Variants in AXIN1 observed in about 807,000 individuals in gnomAD.
The protein encoded by AXIN1 is axin-1.
Under a neutral mutation model 76.4 loss-of-function variants are expected in AXIN1, and 30 were observed. The ratio of observed to expected loss-of-function variants is 0.39; its 90% CI spans 0.29 to 0.53. AXIN1 has a LOEUF of 0.53. Among genes scored for constraint, AXIN1 ranks in the 20% least tolerant of loss-of-function variants. The pLI is 0.66. For missense variants in AXIN1, 1,140 were observed against 1,198.8 expected (o/e 0.95, Z 0.72); for synonymous variants, 545 against 501.4 (o/e 1.09, Z -1.16).
chr16:326,394 T>TATACACATATATATATATATACACAC (rs144093618), intron 2 of AXIN1, among the ~76,000 whole-genome samples: 2 of 119,676 alleles, frequency 1.7e-5, no homozygotes, highest in African/African-American at 3.5e-5. Context: ...TATATATATA[T>TATACACATATATATATATATACACAC]ACACACCTAT....
At chr16:324,421 C>T (rs1170634474) in intron 2 of AXIN1, among the ~76,000 whole-genome samples, 14 of 152,214 alleles carry the variant, frequency 9.2e-5, no homozygotes, top group Admixed American at 8.5e-4. Flanking sequence ...CAGGCACAGG[C>T]CTCACAGGCC....
chr16:344,873 T>A (rs1192328874), intron 2 of AXIN1, among the ~76,000 whole-genome samples: 1 of 152,198 alleles, frequency 6.6e-6, no homozygotes, highest in East Asian at 1.9e-4. Flanking sequence ...GAGTAGCCAA[T>A]TTCTGTGTCA....
At chr16:301,312 G>C (rs546998027) in intron 5 of AXIN1, among the ~76,000 whole-genome samples, 25 of 151,590 alleles carry the variant, frequency 1.6e-4, no homozygotes, top group African/African-American at 6.0e-4. Flanking sequence ...AAAAAAACTG[G>C]AGTTATTCCT....
Position 289,523 on chromosome 16 carries a change from G to C in AXIN1, c.2379C>G (p.Pro793=), listed in dbSNP as rs201325864. The stretch of plus-strand genomic sequence containing the variant: ...CCCTCACCAGGGTGCGGTAGGGGAT[G>C]GGTTCCCCGCAGAAGTAGTACGCCA... ...IVVAYYFCGE[P]IPYRTLVRGR... Residue 793 remains proline, a synonymous_variant, in exon 10 of 11, where the codon CCC becomes CCG. Transcript: ENST00000262320. 1 of 1,612,996 alleles carries C rather than the reference G, an allele frequency of 6.2e-7. No individual in the cohort carries two copies. Among genetic ancestry groups the C allele is most frequent in the African/African-American group, 1.3e-5 (1 of 75,042 alleles).
At chr16:344,088 T>C (rs1345316325) in intron 2 of AXIN1, among the ~76,000 whole-genome samples, 16 of 151,848 alleles carry the variant, frequency 1.1e-4, no homozygotes, top group Non-Finnish European at 7.4e-5. Context: ...CGGCATATTG[T>C]GTCCTAAAAT....
At chr16:299,958 TTTTA>T (rs749781981) in intron 5 of AXIN1, among the ~76,000 whole-genome samples, 1 of 149,180 alleles carries the variant, frequency 6.7e-6, no homozygotes, top group African/African-American at 2.5e-5. Context: ...CCCGGCCTAT[TTTTA>T]TTTATTTAAT....
Position 297,788 on chromosome 16 carries a change from G to A in AXIN1, c.1718C>T (p.Ala573Val), listed in dbSNP as rs752371512. The stretch of plus-strand genomic sequence containing the variant: ...ACTCTCTGAGTAGCCTCGGGACCTT[G>A]CCCCATGGCTGTGTGGTTCCAGGCC... ...AWGLEPHSHG[A>V]RSRGYSESVG... is the part of the protein sequence containing the mutation. Residue 573 changes from alanine to valine, a missense_variant, in exon 6 of 11, where the codon GCA becomes GTA. Coordinates refer to ENST00000262320, the MANE Select transcript of AXIN1 (RefSeq NM_003502.4). 1 of 1,566,824 alleles carries A rather than the reference G, an allele frequency of 6.4e-7. No homozygotes were observed. The highest frequency in any genetic ancestry group is 8.6e-7 in the Non-Finnish European group (1 of 1,156,070).
intron 2 of AXIN1, among the ~76,000 whole-genome samples, chr16:320,944 T>C (rs1057365867): frequency 1.3e-5 from 2 of 151,936 alleles, no homozygotes; most frequent in African/African-American, 2.4e-5. Context: ...TTCGCCGTGT[T>C]GGTCAGGCTG....
intron 1 of AXIN1, among the ~76,000 whole-genome samples, chr16:348,536 G>A (rs1356346893): frequency 6.6e-6 from 1 of 152,220 alleles, no homozygotes; most frequent in East Asian, 1.9e-4. Flanking sequence ...GTGGTGTCAC[G>A]CACCTGTAGT....
At chr16:318,956 G>A (rs113040572) in intron 2 of AXIN1, among the ~76,000 whole-genome samples, 9,082 of 151,434 alleles carry the variant, frequency 0.06, 788 homozygotes, top group African/African-American at 0.2. Flanking sequence ...GAATGCGGCC[G>A]GGGCCTTGGT....
chr16:303,221 G>A (rs932700144), intron 5 of AXIN1, among the ~76,000 whole-genome samples: 1 of 152,138 alleles, frequency 6.6e-6, no homozygotes, highest in African/African-American at 2.4e-5. Flanking sequence ...AGAAACTCCA[G>A]CCGGCCTGCG....
chr16:288,423 C>T, intron 10 of AXIN1, 175 bp from the exon 11 acceptor site: 3 of 949,708 alleles, frequency 3.2e-6, no homozygotes, highest in South Asian at 1.5e-5. Context: ...GCAATGACCA[C>T]ATGTGGGTGA....
At chr16:346,052 T>A (rs2071961) in intron 2 of AXIN1, 96 bp downstream of exon 2, 2 of 1,222,586 alleles carry the variant, frequency 1.6e-6, no homozygotes, top group Non-Finnish European at 2.4e-6. Context: ...GGACATCCGG[T>A]GTGGGTTAAC....
chr16:340,124 G>A (rs1008360265), intron 2 of AXIN1, among the ~76,000 whole-genome samples: 1 of 151,776 alleles, frequency 6.6e-6, no homozygotes, highest in Admixed American at 6.6e-5. Flanking sequence ...TAATGAGCAG[G>A]TCCGACGGTT....
rs1188078183 is a variant in AXIN1, at chr16:287,527, G to C, written c.*595C>G. ...TACAAGTGTCATCGCATGAAAAACA[G>C]ACTCGGGCAGCCCCTGCTGGCCTAG... On this transcript the variant is annotated 3_prime_UTR_variant, in exon 11 of 11. Transcript: ENST00000262320. 1 of 311,920 alleles carries C rather than the reference G, an allele frequency of 3.2e-6. No individual in the cohort carries two copies. The highest frequency in any genetic ancestry group is 2.2e-5 in the African/African-American group (1 of 44,622). The allele number at this position is 311,920 out of a possible 1,614,324, so 19.3% of individuals were successfully genotyped here.
Position 297,184 on chromosome 16 carries a change from A to C in AXIN1, c.1827T>G (p.Ala609=). ...CGGTGCTGGCGCTCTTCCCCGACTC[A>C]GCCTTCTTGGCATTTCTTTTGCACG... The part of the protein sequence containing the change: ...GVACKRNAKK[A]ESGKSASTEV... Residue 609 remains alanine (A), a synonymous_variant, in exon 7 of 11, where the codon GCT becomes GCG. Coordinates refer to ENST00000262320, the MANE Select transcript of AXIN1 (RefSeq NM_003502.4). 2 of 1,610,288 alleles carry C rather than the reference A, an allele frequency of 1.2e-6. No individual in the cohort carries two copies. The highest frequency in any genetic ancestry group is 1.7e-6 in the Non-Finnish European group (2 of 1,179,918).
chr16:332,932 T>G (rs183690376), intron 2 of AXIN1, among the ~76,000 whole-genome samples: 4 of 152,118 alleles, frequency 2.6e-5, no homozygotes, highest in African/African-American at 9.7e-5. Flanking sequence ...CACCTGCAAT[T>G]TCAACTCTCT....
chr16:329,772 A>C (rs375212454), intron 2 of AXIN1, among the ~76,000 whole-genome samples: 30 of 148,566 alleles, frequency 2.0e-4, no homozygotes, highest in African/African-American at 2.2e-4. Flanking sequence ...TACAGGTGCC[A>C]GCCACCTTGC....
chr16:346,939 C>G lies in AXIN1; in HGVS notation c.87G>C (p.Glu29Asp), dbSNP rs2054046503. The change falls in exon 2 of 11, where the codon GAG becomes GAC. Residue 29 changes from glutamate (E) to aspartate (D), a missense_variant. Glu to Asp is a conservative substitution (Grantham distance 45). Coordinates refer to ENST00000262320, the MANE Select transcript of AXIN1 (RefSeq NM_003502.4). ...TCGGGTCTGTGGACACCAGTTCTCC[C>G]TCCTCACCAGGCACTGGGGGTCGGG... ...DAPRPPVPGE[E>D]GELVSTDPRP... 2 of 1,614,256 alleles carry G rather than the reference C, an allele frequency of 1.2e-6. No individual in the cohort carries two copies. Among genetic ancestry groups the G allele is most frequent in the Non-Finnish European group, 8.5e-7 (1 of 1,180,040 alleles).
Sources: gnomAD v4.1 joint callset for allele counts (sites outside exome capture counted in the v4.1 genomes callset) on GRCh38, gnomAD v4.1.1 for gene constraint, MANE v1.5 for transcripts, NCBI Gene and HGNC (gene_info 2026-07-23, HGNC 2026-07-21) for gene names.